DENND1A: variants seen among roughly 807,000 people sequenced by gnomAD.
DENND1A encodes DENN domain-containing protein 1A.
A neutral mutation model predicts 113.7 loss-of-function variants in DENND1A; 51 were observed. The ratio of observed to expected loss-of-function variants is 0.45; its 90% CI spans 0.36 to 0.57. DENND1A has a LOEUF of 0.57. Among genes scored for constraint, DENND1A ranks in the 20% least tolerant of loss-of-function variants. DENND1A has a pLI of 0.00. For missense variants in DENND1A, 1,258 were observed against 1,395.9 expected, an observed-to-expected ratio of 0.90 and a Z score of 1.57; for synonymous variants, 565 against 570.8, an observed-to-expected ratio of 0.99 and a Z score of 0.14.
intron 13 of DENND1A, among the ~76,000 whole-genome samples, chr9:123,483,178 A>ACT (rs2050492344): frequency 1.3e-5 from 2 of 152,206 alleles, no homozygotes; most frequent in Middle Eastern, 3.4e-3. Context: ...ACCTCCCCCT[A>ACT]CTACACTGAG....
chr9:123,718,832 T>C (rs2141089027), intron 5 of DENND1A, among the ~76,000 whole-genome samples: 1 of 152,354 alleles, frequency 6.6e-6, no homozygotes, highest in Middle Eastern at 3.4e-3. Flanking sequence ...CTAAGCTCTG[T>C]ACAAGTGGTA....
intron 2 of DENND1A, among the ~76,000 whole-genome samples, chr9:123,808,721 A>AT (rs890046400): frequency 3.3e-4 from 51 of 152,302 alleles, no homozygotes; most frequent in African/African-American, 1.2e-3. Flanking sequence ...GACTTGATAA[A>AT]AAAACTAGCA....
intron 13 of DENND1A, among the ~76,000 whole-genome samples, chr9:123,557,244 G>A (rs2057471491): frequency 1.3e-5 from 2 of 152,188 alleles, no homozygotes; most frequent in Admixed American, 6.5e-5. Flanking sequence ...CACCGCTACT[G>A]CACAGGTGCA....
intron 5 of DENND1A, among the ~76,000 whole-genome samples, chr9:123,748,721 T>G (rs1589921922): frequency 6.6e-6 from 1 of 152,242 alleles, no homozygotes; most frequent in South Asian, 2.1e-4. Context: ...AAATGCCTTC[T>G]GCTTATTGCT....
chr9:123,549,209 C>A (rs2056890385), intron 13 of DENND1A, among the ~76,000 whole-genome samples: 2 of 152,284 alleles, frequency 1.3e-5, no homozygotes, highest in South Asian at 4.1e-4. Context: ...GCTGCACACA[C>A]ACATCAGTCC....
chr9:123,794,766 TA>T (rs1165647935), intron 2 of DENND1A, among the ~76,000 whole-genome samples: 1 of 152,122 alleles, frequency 6.6e-6, no homozygotes, highest in African/African-American at 2.4e-5. Flanking sequence ...TAAACTCATT[TA>T]AAAAATATTT....
chr9:123,728,491 A>ACAAAAAAAAAAAC (rs1439612427), intron 5 of DENND1A, among the ~76,000 whole-genome samples: 2 of 142,726 alleles, frequency 1.4e-5, no homozygotes, highest in African/African-American at 5.3e-5. Flanking sequence ...AAAAAAAAAA[A>ACAAAAAAAAAAAC]AAAAAAAAAA....
At chr9:123,812,233 C>G (rs958688807) in intron 2 of DENND1A, among the ~76,000 whole-genome samples, 1 of 152,054 alleles carries the variant, frequency 6.6e-6, no homozygotes, top group Admixed American at 6.6e-5. Flanking sequence ...GCAGATAGTA[C>G]TTTTAGCCTG....
At chr9:123,387,918 C>A in intron 21 of DENND1A, 60 bp from the exon 22 acceptor site, 1 of 1,270,394 alleles carries the variant, frequency 7.9e-7, no homozygotes, top group Admixed American at 2.3e-5. Context: ...CTCAGAACTT[C>A]ACGTGCAGGC....
At chr9:123,412,181 GGCTAGAGGCTGGCACT>G (rs2044358741) in intron 19 of DENND1A, among the ~76,000 whole-genome samples, 1 of 152,198 alleles carries the variant, frequency 6.6e-6, no homozygotes, top group South Asian at 2.1e-4. Flanking sequence ...GCCTGCTCAA[GGCTAGAGGCTGGCACT>G]GCATGTCCCC....
At chr9:123,562,876 G>A (rs977074972) in intron 12 of DENND1A, among the ~76,000 whole-genome samples, 9 of 152,106 alleles carry the variant, frequency 5.9e-5, no homozygotes, top group Non-Finnish European at 8.8e-5. Flanking sequence ...TTTCCTGATG[G>A]ACTGAGTTCC....
At chr9:123,923,770 C>T (rs559511809) in intron 1 of DENND1A, among the ~76,000 whole-genome samples, 1 of 151,892 alleles carries the variant, frequency 6.6e-6, no homozygotes, top group African/African-American at 2.4e-5. Flanking sequence ...AACCTATCTC[C>T]GTCTACACTG....
At chr9:123,892,963 C>T (rs1588117855) in intron 1 of DENND1A, among the ~76,000 whole-genome samples, 1 of 152,116 alleles carries the variant, frequency 6.6e-6, no homozygotes, top group East Asian at 1.9e-4. Context: ...GCCTGGGTGA[C>T]AGAGTGAGAT....
intron 13 of DENND1A, among the ~76,000 whole-genome samples, chr9:123,465,732 CT>C (rs1394694530): frequency 6.6e-6 from 1 of 152,000 alleles, no homozygotes; most frequent in Non-Finnish European, 1.5e-5. Flanking sequence ...AAATATAAAC[CT>C]TTTTTCTTTT....
rs543052853 is a variant in DENND1A, at chr9:123,393,654, G to A, written c.1632-5796C>T. ...ATTAGACTGGAGCTGTTCTCTGTGC[G>A]ACCCAGGATAAGGGCTAGGACTGTT... On this transcript the variant is annotated intron_variant, in intron 21 of 23. Transcript: ENST00000394215. 5.2e-4 allele frequency among the ~76,000 whole-genome samples: 79 copies of A among 152,310 alleles called. 3 individuals are homozygous for A. In the South Asian group the frequency reaches 0.015, roughly 30 times the overall value.
intron 13 of DENND1A, among the ~76,000 whole-genome samples, chr9:123,519,909 C>G (rs2054249462): frequency 6.6e-6 from 1 of 152,078 alleles, no homozygotes. Flanking sequence ...CCTGTCATCT[C>G]AGCACTTTGG....
At chr9:123,517,844 TA>T (rs1314189391) in intron 13 of DENND1A, among the ~76,000 whole-genome samples, 1 of 152,128 alleles carries the variant, frequency 6.6e-6, no homozygotes, top group African/African-American at 2.4e-5. Context: ...TAAAAAGGCA[TA>T]AAAAACACTT....
At chr9:123,791,920 T>C (rs1020399760) in intron 3 of DENND1A, among the ~76,000 whole-genome samples, 2 of 152,214 alleles carry the variant, frequency 1.3e-5, no homozygotes, top group African/African-American at 4.8e-5. Flanking sequence ...TCTCTCAAGA[T>C]AGAAACTAGA....
At chr9:123,695,570 G>C (rs1371199508) in intron 5 of DENND1A, among the ~76,000 whole-genome samples, 1 of 152,060 alleles carries the variant, frequency 6.6e-6, no homozygotes, top group Non-Finnish European at 1.5e-5. Flanking sequence ...ATAAACCATT[G>C]ACTGACTGTG....
Sources: allele counts gnomAD v4.1 joint callset (sites outside exome capture counted in the v4.1 genomes callset), GRCh38; gene constraint gnomAD v4.1.1; transcripts MANE v1.5; gene names NCBI Gene and HGNC (gene_info 2026-07-23, HGNC 2026-07-21).